BPNT2: variants seen among roughly 807,000 people sequenced by gnomAD.
The protein encoded by BPNT2 is 3'(2'), 5'-bisphosphate nucleotidase 2.
BPNT2 carries 11 observed loss-of-function variants against 29.3 expected under a neutral mutation model. That is an observed-to-expected ratio of 0.38 (90% confidence interval 0.24 to 0.62). The LOEUF is 0.62. Among genes scored for constraint, BPNT2 ranks in the 20% least tolerant of loss-of-function variants. The pLI is 0.62. For synonymous variants in BPNT2, 195 were observed against 187.7 expected, an observed-to-expected ratio of 1.04 and a Z score of -0.32; for missense variants, 459 against 473.4, an observed-to-expected ratio of 0.97 and a Z score of 0.28.
intron 3 of BPNT2, among the ~76,000 whole-genome samples, chr8:56,971,725 T>C (rs982036909): frequency 3.4e-5 from 5 of 146,350 alleles, no homozygotes; most frequent in Non-Finnish European, 6.0e-5. Flanking sequence ...TGTAAACAAA[T>C]GTAAAATCAT....
intron 4 of BPNT2, 80 bp from the exon 5 acceptor site, chr8:56,964,144 T>C: frequency 9.8e-7 from 1 of 1,023,458 alleles, no homozygotes; most frequent in Non-Finnish European, 1.5e-6. Context: ...AAGTATCCTG[T>C]TAAAATAGCA....
At position 56,961,119 on chromosome 8, in the gene BPNT2, C is replaced by T. The variant is rs775806342; in HGVS notation, c.*2674G>A. The T allele has an allele frequency of 1.3e-5, 2 of 152,100 alleles. No homozygotes were observed. Among genetic ancestry groups the T allele is most frequent in the Non-Finnish European group, 2.9e-5 (2 of 68,038 alleles). 9.4% of individuals were successfully genotyped at this position (152,100 alleles called of 1,614,324 possible). On this transcript the variant is annotated 3_prime_UTR_variant, in exon 5 of 5. Coordinates refer to ENST00000262644, the MANE Select transcript of BPNT2 (RefSeq NM_017813.5). Reference sequence around the variant, plus strand: ...GGTACTGAGATCACTGATGTCACTGCCTCTACTAAATGTGGTGCATAAAAG... The same window carrying T: ...GGTACTGAGATCACTGATGTCACTGTCTCTACTAAATGTGGTGCATAAAAG...
intron 1 of BPNT2, among the ~76,000 whole-genome samples, 169 bp downstream of exon 1, chr8:56,993,030 C>T (rs1294380081): frequency 1.3e-5 from 2 of 152,218 alleles, no homozygotes; most frequent in Non-Finnish European, 2.9e-5. Flanking sequence ...TACGTGCAAC[C>T]TCACCCAGCT....
Position 56,965,443 on chromosome 8 carries a change from A to G in BPNT2, c.808+748T>C, listed in dbSNP as rs147955107. On this transcript the variant is annotated intron_variant, in intron 4 of 4. Coordinates refer to ENST00000262644, the MANE Select transcript of BPNT2 (RefSeq NM_017813.5). ...TAATTTGCTATTAACCTGAATTAAA[A>G]CATTTCTGACATGTTAGACAGTACT... is the stretch of plus-strand genomic sequence containing the variant. Among the ~76,000 whole-genome samples the G allele has an allele frequency of 7.0e-4, 106 of 152,344 alleles. 1 individual carries two copies. Among genetic ancestry groups the G allele is most frequent in the African/African-American group, 2.4e-3 (99 of 41,574 alleles).
At chr8:56,984,334 C>A (rs573551433) in intron 1 of BPNT2, among the ~76,000 whole-genome samples, 11 of 152,232 alleles carry the variant, frequency 7.2e-5, no homozygotes, top group Non-Finnish European at 1.6e-4. Context: ...GCCGCAACCA[C>A]TACATACCTA....
At position 56,961,233 on chromosome 8, in the gene BPNT2, G is replaced by A. The variant is rs1563402791; in HGVS notation, c.*2560C>T. The A allele has an allele frequency of 6.6e-6, 1 of 152,100 alleles. No individual in the cohort carries two copies. Among genetic ancestry groups the A allele is most frequent in the African/African-American group, 2.4e-5 (1 of 41,404 alleles). 9.4% of individuals were successfully genotyped at this position (152,100 alleles called of 1,614,324 possible). A position where few individuals can be genotyped will look rare whatever the true frequency, so the allele number is the denominator to read the frequency against. On this transcript the variant is annotated 3_prime_UTR_variant, in exon 5 of 5. Coordinates refer to ENST00000262644, the MANE Select transcript of BPNT2 (RefSeq NM_017813.5). ...GAGGTGTGGGTCATTAAAAGCAAAA[G>A]GTAATGACTTTGCTACTTTTTAGAA...
rs1554539124 is a variant in BPNT2 at position 56,971,786 on chromosome 8, C to CCCCCG, written c.647-5435_647-5434insCGGGG. On this transcript the variant is annotated intron_variant, in intron 3 of 4. Transcript: ENST00000262644. ...TTACTGAAATAATTTTGTACCACCC[C>CCCCCG]CCCCCCCACAATGCTACTGTGTGGG... 2.1e-5 allele frequency among the ~76,000 whole-genome samples: 3 copies of CCCCCG among 143,736 alleles called. 1 individual carries two copies. Among genetic ancestry groups the CCCCCG allele is most frequent in the African/African-American group, 5.1e-5 (2 of 38,882 alleles). The allele number at this position is 143,736 out of a possible 152,430, so 94.3% of individuals were successfully genotyped here.
intron 1 of BPNT2, among the ~76,000 whole-genome samples, chr8:56,991,607 G>A (rs559673746): frequency 1.4e-4 from 22 of 152,302 alleles, no homozygotes; most frequent in African/African-American, 4.6e-4. Context: ...ATAAGCTGGA[G>A]TGTCACGAGC....
At chr8:56,964,089 G>T in intron 4 of BPNT2, 25 bp from the exon 5 acceptor site, 1 of 1,524,634 alleles carries the variant, frequency 6.6e-7, no homozygotes, top group Non-Finnish European at 8.9e-7. Context: ...AAGAATTTAG[G>T]TTATTATTCA....
Position 56,963,745 on chromosome 8 carries a change from G to C in BPNT2, c.*48C>G, listed in dbSNP as rs765707549. On this transcript the variant is annotated 3_prime_UTR_variant, in exon 5 of 5. Coordinates refer to ENST00000262644, the MANE Select transcript of BPNT2 (RefSeq NM_017813.5). Reference sequence around the variant, plus strand: ...ATCCTTTGAAGCTTCCAGCATCTCAGGCTAACCATTTCAGCTGTGAAGAAC... The same window carrying C: ...ATCCTTTGAAGCTTCCAGCATCTCACGCTAACCATTTCAGCTGTGAAGAAC... The C allele has an allele frequency of 1.9e-6, 3 of 1,606,000 alleles. No individual in the cohort carries two copies. In the South Asian group the frequency reaches 3.3e-5, roughly 18 times the overall value.
intron 4 of BPNT2, among the ~76,000 whole-genome samples, chr8:56,964,691 T>C (rs1448967382): frequency 1.3e-5 from 2 of 152,220 alleles, no homozygotes; most frequent in Non-Finnish European, 2.9e-5. Context: ...TTATTTTCTA[T>C]GGAATGACAC....
In BPNT2 at chr8:56,980,063, G is replaced by A. The variant is rs758221934; in HGVS notation, c.522C>T (p.Asp174=). ...VPAESVTVWI[D]PLDATQEYTE... ...TATATTCCTGTGTAGCATCAAGTGG[G>A]TCAATCCAGACAGTAACACTTTCTG... The change falls in exon 2 of 5, where the codon GAC becomes GAT. Residue 174 remains aspartate, a synonymous_variant. Coordinates refer to ENST00000262644, the MANE Select transcript of BPNT2 (RefSeq NM_017813.5). 2 of 1,613,800 alleles carry A rather than the reference G, an allele frequency of 1.2e-6. No individual in the cohort carries two copies. Among genetic ancestry groups the A allele is most frequent in the Non-Finnish European group, 8.5e-7 (1 of 1,179,856 alleles).
At chr8:56,980,747 A>G (rs1039925020) in intron 1 of BPNT2, among the ~76,000 whole-genome samples, 1 of 150,962 alleles carries the variant, frequency 6.6e-6, no homozygotes, top group Non-Finnish European at 1.5e-5. Flanking sequence ...GGTTGTTACG[A>G]GAATAGAGGA....
chr8:56,980,236 GAACA>G, intron 1 of BPNT2, 39 bp from the exon 2 acceptor site: 1 of 1,511,054 alleles, frequency 6.6e-7, no homozygotes, highest in Non-Finnish European at 9.2e-7. Flanking sequence ...AAAGTAAGAC[GAACA>G]ATCACTATTT....
chr8:56,974,544 C>T (rs1294977589), intron 3 of BPNT2, among the ~76,000 whole-genome samples: 3 of 152,116 alleles, frequency 2.0e-5, no homozygotes, highest in Admixed American at 1.3e-4. Flanking sequence ...CATCAACATA[C>T]CGTCTGGATC....
chr8:56,963,016 T>A lies in BPNT2; in HGVS notation c.*777A>T, dbSNP rs529342699. ...GAACCTTACAAAGTTAAAGACTAAG[T>A]GTTGGTCAGAAGGAAAAGGATGCAA... On this transcript the variant is annotated 3_prime_UTR_variant, in exon 5 of 5. Transcript: ENST00000262644. The A allele has an allele frequency of 1.3e-5, 2 of 152,164 alleles. No homozygotes were observed. Among genetic ancestry groups the A allele is most frequent in the Non-Finnish European group, 2.9e-5 (2 of 68,010 alleles). The allele number at this position is 152,164 out of a possible 1,614,324, so 9.4% of individuals were successfully genotyped here. A position where few individuals can be genotyped will look rare whatever the true frequency, so the allele number is the denominator to read the frequency against.
At position 56,959,975 on chromosome 8, in the gene BPNT2, AG is replaced by A. The variant is rs1805803310; in HGVS notation, c.*3817del. 6.6e-6 allele frequency: 1 copy of A among 151,706 alleles called. No individual in the cohort carries two copies. The highest frequency in any genetic ancestry group is 1.5e-5 in the Non-Finnish European group (1 of 67,670). 9.4% of individuals were successfully genotyped at this position (151,706 alleles called of 1,614,324 possible). A position where few individuals can be genotyped will look rare whatever the true frequency, so the allele number is the denominator to read the frequency against. The stretch of plus-strand genomic sequence containing the variant: ...AGGTTTATTTTATACAACAGTTACA[AG>A]ACAGACCTTTTGTAGGCATATAAAT... On this transcript the variant is annotated 3_prime_UTR_variant, in exon 5 of 5. Transcript: ENST00000262644.
chr8:56,969,432 A>G (rs773431337), intron 3 of BPNT2, among the ~76,000 whole-genome samples: 1 of 152,218 alleles, frequency 6.6e-6, no homozygotes, highest in Non-Finnish European at 1.5e-5. Context: ...TTACCATTGA[A>G]CAAATTTAAC....
At chr8:56,980,681 T>G (rs1160506122) in intron 1 of BPNT2, among the ~76,000 whole-genome samples, 1 of 151,142 alleles carries the variant, frequency 6.6e-6, no homozygotes, top group East Asian at 1.9e-4. Flanking sequence ...TAAATTTAAC[T>G]TACCATACAG....
Sources: allele counts gnomAD v4.1 joint callset (sites outside exome capture counted in the v4.1 genomes callset), GRCh38; gene constraint gnomAD v4.1.1; transcripts MANE v1.5; gene names NCBI Gene and HGNC (gene_info 2026-07-23, HGNC 2026-07-21).